FBXL20: variants seen among roughly 807,000 people sequenced by gnomAD.
FBXL20 encodes the protein F-box and leucine rich repeat protein 20, also known as F-box/LRR-repeat protein 20.
A neutral mutation model predicts 64.0 loss-of-function variants in FBXL20; 11 were observed. That is an observed-to-expected ratio of 0.17 (90% CI 0.11 to 0.28). FBXL20 has a LOEUF of 0.28. Among genes scored for constraint, FBXL20 ranks in the 10% least tolerant of loss-of-function variants. The pLI is 1.00. For missense variants in FBXL20, 303 were observed against 526.2 expected (o/e 0.58, Z 4.15); for synonymous variants, 184 against 189.0 (o/e 0.97, Z 0.22).
chr17:39,297,486 A>C lies in FBXL20; in HGVS notation c.330-291T>G, dbSNP rs534252014. On this transcript the variant is annotated intron_variant, in intron 5 of 14. Coordinates refer to ENST00000264658, the MANE Select transcript of FBXL20 (RefSeq NM_032875.3). ...ACTGTGATTACTTTTGCACCAACCT[A>C]ATATAATATTTGGTCTTCAATTATG... 2.2e-3 allele frequency: 405 copies of C among 187,010 alleles called. 2 individuals carry two copies. Among genetic ancestry groups the C allele is most frequent in the Non-Finnish European group, 1.5e-3 (133 of 90,258 alleles). The allele number at this position is 187,010 out of a possible 1,614,324, so 11.6% of individuals were successfully genotyped here. A position where few individuals can be genotyped will look rare whatever the true frequency, so the allele number is the denominator to read the frequency against.
intron 1 of FBXL20, among the ~76,000 whole-genome samples, chr17:39,386,155 A>G (rs2048077620): frequency 6.6e-6 from 1 of 151,394 alleles, no homozygotes; most frequent in African/African-American, 2.4e-5. Context: ...TACCATGGCT[A>G]ACACAGTGAA....
intron 9 of FBXL20, among the ~76,000 whole-genome samples, chr17:39,279,328 T>C (rs1410775485): frequency 2.0e-5 from 3 of 150,352 alleles, no homozygotes; most frequent in Non-Finnish European, 3.0e-5. Flanking sequence ...GGAGACCCTA[T>C]CTCTACAAAA....
At chr17:39,366,305 T>C (rs1385266174) in intron 1 of FBXL20, among the ~76,000 whole-genome samples, 2 of 152,194 alleles carry the variant, frequency 1.3e-5, no homozygotes, top group Non-Finnish European at 2.9e-5. Flanking sequence ...TCTAGACTCT[T>C]TTCCCTCAAC....
chr17:39,400,296 T>C (rs780917779), intron 1 of FBXL20, among the ~76,000 whole-genome samples: 2 of 152,178 alleles, frequency 1.3e-5, no homozygotes, highest in East Asian at 1.9e-4. Flanking sequence ...AATCAAAGAA[T>C]AGATTAAACT....
At chr17:39,284,497 C>A (rs192859375) in intron 7 of FBXL20, among the ~76,000 whole-genome samples, 1 of 152,334 alleles carries the variant, frequency 6.6e-6, no homozygotes, top group East Asian at 1.9e-4. Flanking sequence ...CCTCCTGCTT[C>A]AGTCCCCTGA....
chr17:39,263,316 A>G (rs2046764107), intron 14 of FBXL20, among the ~76,000 whole-genome samples: 1 of 152,146 alleles, frequency 6.6e-6, no homozygotes, highest in African/African-American at 2.4e-5. Flanking sequence ...GGAGTTTGAA[A>G]CCGGCCTGGG....
chr17:39,304,581 T>G (rs927145015), intron 2 of FBXL20, among the ~76,000 whole-genome samples: 21 of 152,184 alleles, frequency 1.4e-4, no homozygotes, highest in African/African-American at 4.8e-4. Flanking sequence ...TGAGCCAACA[T>G]GCTTGGATGG....
chr17:39,314,989 GT>G (rs1198400033), intron 2 of FBXL20, among the ~76,000 whole-genome samples: 1 of 151,866 alleles, frequency 6.6e-6, no homozygotes, highest in African/African-American at 2.4e-5. Context: ...TAGAGACGGG[GT>G]TTCACCATGT....
intron 9 of FBXL20, among the ~76,000 whole-genome samples, chr17:39,281,072 A>G (rs1266278838): frequency 6.6e-6 from 1 of 152,180 alleles, no homozygotes; most frequent in Non-Finnish European, 1.5e-5. Flanking sequence ...CTTGACTGCA[A>G]TTTTAAATAC....
intron 1 of FBXL20, among the ~76,000 whole-genome samples, chr17:39,387,931 C>T (rs8065896): frequency 0.013 from 1,950 of 152,018 alleles, 49 homozygotes; most frequent in African/African-American, 0.045. Context: ...TTTATCAGGG[C>T]ACAGTCCCAT....
intron 1 of FBXL20, among the ~76,000 whole-genome samples, chr17:39,351,589 T>C (rs79923060): frequency 6.6e-6 from 1 of 152,150 alleles, no homozygotes; most frequent in Admixed American, 6.6e-5. Flanking sequence ...ATTACAACAA[T>C]CTTGTGAAGG....
chr17:39,393,868 A>G (rs1423344553), intron 1 of FBXL20, among the ~76,000 whole-genome samples: 2 of 152,224 alleles, frequency 1.3e-5, no homozygotes, highest in East Asian at 3.8e-4. Context: ...TTTGTTTTTT[A>G]TAAAAGTTAT....
chr17:39,268,998 G>C, intron 11 of FBXL20, 127 bp from the exon 12 acceptor site: 1 of 814,432 alleles, frequency 1.2e-6, no homozygotes, highest in Non-Finnish European at 2.0e-6. Flanking sequence ...TTCAGAGCTA[G>C]TGTCATGCTA....
At chr17:39,272,703 A>C (rs2046855895) in intron 10 of FBXL20, among the ~76,000 whole-genome samples, 1 of 12,614 alleles carries the variant, frequency 7.9e-5, no homozygotes, top group African/African-American at 1.6e-4. Flanking sequence ...CTCTATCTCA[A>C]AAAAAAAAAA....
At chr17:39,361,075 A>G (rs1036584440) in intron 1 of FBXL20, among the ~76,000 whole-genome samples, 1 of 152,086 alleles carries the variant, frequency 6.6e-6, no homozygotes, top group African/African-American at 2.4e-5. Context: ...TTATTATTGC[A>G]TTGCATTTCT....
intron 6 of FBXL20, among the ~76,000 whole-genome samples, chr17:39,295,167 AC>A (rs1403226309): frequency 1.3e-5 from 2 of 152,186 alleles, no homozygotes; most frequent in African/African-American, 4.8e-5. Context: ...TGGGCTCATT[AC>A]ACGTTTTTGT....
chr17:39,332,765 T>C (rs760918847), intron 2 of FBXL20, among the ~76,000 whole-genome samples: 1 of 151,936 alleles, frequency 6.6e-6, no homozygotes, highest in East Asian at 1.9e-4. Context: ...ATGGTCCCGA[T>C]CTCCTGACCT....
At chr17:39,289,997 T>TAAAAAAAA (rs1567865610) in intron 6 of FBXL20, among the ~76,000 whole-genome samples, 8 of 33,020 alleles carry the variant, frequency 2.4e-4, no homozygotes, top group African/African-American at 1.6e-3. Flanking sequence ...AGACTCAGTC[T>TAAAAAAAA]CAAAAAAAAA....
intron 2 of FBXL20, among the ~76,000 whole-genome samples, chr17:39,305,953 C>T (rs2047178138): frequency 6.6e-6 from 1 of 151,040 alleles, no homozygotes; most frequent in African/African-American, 2.4e-5. Flanking sequence ...TGCCATTGTA[C>T]TCCAGCCTGG....
Sources: allele counts gnomAD v4.1 joint callset (sites outside exome capture counted in the v4.1 genomes callset), GRCh38; gene constraint gnomAD v4.1.1; transcripts MANE v1.5; gene names NCBI Gene and HGNC (gene_info 2026-07-23, HGNC 2026-07-21).